Variants in TPD52L1 observed in about 807,000 individuals in gnomAD.
TPD52L1 encodes TPD52 like 1.
TPD52L1 carries 18 observed loss-of-function variants against 28.7 expected under a neutral mutation model. That is an observed-to-expected ratio of 0.63 (90% CI 0.43 to 0.93). The LOEUF is 0.93. TPD52L1 is among the 40% of genes least tolerant of loss of function. The pLI is 0.00. For synonymous variants in TPD52L1, 75 were observed against 88.8 expected (o/e 0.84, Z 0.88); for missense variants, 203 against 254.8 (o/e 0.80, Z 1.39).
rs58505448 is a variant in TPD52L1 at position 125,224,470 on chromosome 6, C to CCTCTCTCTCTCTCTCTCT, written c.135+4287_135+4304dup. ...GCAAAGAAGTGCCTTAGGCTCTGGG[C>CCTCTCTCTCTCTCTCTCT]CTCTCTCTCTCTCTCTCTCTCTCTC... is the stretch of plus-strand genomic sequence containing the variant. On this transcript the variant is annotated intron_variant, in intron 2 of 6. Coordinates refer to ENST00000534000, the MANE Select transcript of TPD52L1 (RefSeq NM_003287.4). Among the ~76,000 whole-genome samples, 224 of 143,362 alleles carry CCTCTCTCTCTCTCTCTCT rather than the reference C, an allele frequency of 1.6e-3. 1 individual carries two copies. Among genetic ancestry groups the CCTCTCTCTCTCTCTCTCT allele is most frequent in the African/African-American group, 5.5e-3 (218 of 39,314 alleles). The allele number at this position is 143,362 out of a possible 152,430, so 94.1% of individuals were successfully genotyped here.
intron 2 of TPD52L1, among the ~76,000 whole-genome samples, chr6:125,224,724 T>C (rs1198781467): frequency 6.6e-6 from 1 of 152,222 alleles, no homozygotes; most frequent in African/African-American, 2.4e-5. Context: ...ATGCCTAGTT[T>C]ATGAAAATAG....
At chr6:125,154,302 C>G (rs1332181810) in intron 1 of TPD52L1, 3 of 1,148,054 alleles carry the variant, frequency 2.6e-6, no homozygotes, top group Non-Finnish European at 3.2e-6. Context: ...TGTGCCGGGT[C>G]CGGAAAGCGT....
intron 3 of TPD52L1, among the ~76,000 whole-genome samples, chr6:125,241,996 T>C (rs1015806249): frequency 6.6e-6 from 1 of 152,082 alleles, no homozygotes; most frequent in Non-Finnish European, 1.5e-5. Flanking sequence ...GCTTTTGTTG[T>C]ATCCCAGAGG....
intron 1 of TPD52L1, among the ~76,000 whole-genome samples, chr6:125,161,617 T>G (rs2114740873): frequency 6.6e-6 from 1 of 151,906 alleles, no homozygotes; most frequent in Admixed American, 6.6e-5. Context: ...TCTCAGAGAG[T>G]GGAGAGGGCC....
At chr6:125,251,304 C>G (rs1305863233) in intron 4 of TPD52L1, among the ~76,000 whole-genome samples, 2 of 152,038 alleles carry the variant, frequency 1.3e-5, no homozygotes, top group African/African-American at 4.8e-5. Context: ...TTTGTGCATT[C>G]TGGTAACAAA....
At position 125,207,370 on chromosome 6, in the gene TPD52L1, A is replaced by G. The variant is rs141005772; in HGVS notation, c.20-12708A>G. 2.9e-3 allele frequency among the ~76,000 whole-genome samples: 442 copies of G among 152,336 alleles called. 1 individual carries two copies. Among genetic ancestry groups the G allele is most frequent in the African/African-American group, 9.9e-3 (411 of 41,582 alleles). ...TCAGTTATGTGAGTTTGGGCAATTT[A>G]TTTAACTTTCTGAACCATCATTTCC... is the stretch of plus-strand genomic sequence containing the variant. On this transcript the variant is annotated intron_variant, in intron 1 of 6. Transcript: ENST00000534000.
In TPD52L1 at chr6:125,185,894, A is replaced by ATTTTT. The variant is rs536833440; in HGVS notation, c.19+31937_19+31941dup. Among the ~76,000 whole-genome samples the ATTTTT allele has an allele frequency of 5.1e-3, 664 of 130,442 alleles. 22 individuals carry two copies. The highest frequency in any genetic ancestry group is 0.01 in the African/African-American group (348 of 34,396). 85.6% of individuals were successfully genotyped at this position (130,442 alleles called of 152,430 possible). On this transcript the variant is annotated intron_variant, in intron 1 of 6. Transcript: ENST00000534000. ...CCATGTATAACTTTTTGGAAATTTG[A>ATTTTT]TTTTTTTTTTTTTTTTTGAGACAGA...
In TPD52L1 at chr6:125,263,338, A is replaced by G. The variant is rs187271975; in HGVS notation, c.*376A>G. Reference sequence around the variant, plus strand: ...GCATGTCCTTGAAGGCTGAATGAACAGTCCCTTTCAGTTCAGCAGATCAAC... The same window carrying G: ...GCATGTCCTTGAAGGCTGAATGAACGGTCCCTTTCAGTTCAGCAGATCAAC... On this transcript the variant is annotated 3_prime_UTR_variant, in exon 7 of 7. Transcript: ENST00000534000. The G allele has an allele frequency of 1.3e-4, 26 of 194,808 alleles. No individual in the cohort carries two copies. Among genetic ancestry groups the G allele is most frequent in the Admixed American group, 2.7e-4 (5 of 18,434 alleles). The allele number at this position is 194,808 out of a possible 1,614,324, so 12.1% of individuals were successfully genotyped here. A position where few individuals can be genotyped will look rare whatever the true frequency, so the allele number is the denominator to read the frequency against.
At chr6:125,186,926 G>A (rs503215) in intron 1 of TPD52L1, among the ~76,000 whole-genome samples, 11,550 of 152,122 alleles carry the variant, frequency 0.076, 1,152 homozygotes, top group African/African-American at 0.23. Flanking sequence ...TCAGCCAAGG[G>A]ATTGGAAATG....
At chr6:125,218,571 C>T (rs185789955) in intron 1 of TPD52L1, among the ~76,000 whole-genome samples, 1 of 152,246 alleles carries the variant, frequency 6.6e-6, no homozygotes, top group Admixed American at 6.5e-5. Context: ...TTCCATATAG[C>T]GTCTTTGATA....
At chr6:125,232,603 A>G (rs1016946075) in intron 3 of TPD52L1, among the ~76,000 whole-genome samples, 4 of 152,198 alleles carry the variant, frequency 2.6e-5, no homozygotes, top group Admixed American at 6.5e-5. Flanking sequence ...AATACTTTGC[A>G]TACTGATTAA....
At position 125,263,866 on chromosome 6, in the gene TPD52L1, T is replaced by C. The variant is rs1798190048; in HGVS notation, c.*904T>C. On this transcript the variant is annotated 3_prime_UTR_variant, in exon 7 of 7. Coordinates refer to ENST00000534000, the MANE Select transcript of TPD52L1 (RefSeq NM_003287.4). ...GGGACACTGTCTCCAAAAATAGTAA[T>C]AATAAGTAGTCAACTTTTACTGCTA... 2 of 152,060 alleles carry C rather than the reference T, an allele frequency of 1.3e-5. No homozygotes were observed. Among genetic ancestry groups the C allele is most frequent in the African/African-American group, 4.8e-5 (2 of 41,404 alleles). 9.4% of individuals were successfully genotyped at this position (152,060 alleles called of 1,614,324 possible).
At position 125,172,119 on chromosome 6, in the gene TPD52L1, T is replaced by G. The variant is rs1483407486; in HGVS notation, c.19+18149T>G. 1.8e-3 allele frequency among the ~76,000 whole-genome samples: 111 copies of G among 61,908 alleles called. 3 individuals are homozygous for G. The highest frequency in any genetic ancestry group is 9.1e-3 in the African/African-American group (107 of 11,724). 40.6% of individuals were successfully genotyped at this position (61,908 alleles called of 152,430 possible). A position where few individuals can be genotyped will look rare whatever the true frequency, so the allele number is the denominator to read the frequency against. ...CTTTCCCTTTCTTTCTTTCTTTCTT[T>G]CTTTCTTTCTTTCTTTCTTTCTTTC... On this transcript the variant is annotated intron_variant, in intron 1 of 6. Coordinates refer to ENST00000534000, the MANE Select transcript of TPD52L1 (RefSeq NM_003287.4).
chr6:125,172,162 TTTCTTTC>T (rs1562211817), intron 1 of TPD52L1, among the ~76,000 whole-genome samples: 649 of 47,842 alleles, frequency 0.014, 1 homozygote, highest in Non-Finnish European at 0.022. Flanking sequence ...CTTTCTTTTC[TTTCTTTC>T]TTTCTTTCTT....
At chr6:125,172,134 TTCTTTCTTTCTTTC>T (rs1791387643) in intron 1 of TPD52L1, among the ~76,000 whole-genome samples, 1 of 77,898 alleles carries the variant, frequency 1.3e-5, no homozygotes, top group Non-Finnish European at 2.4e-5. Flanking sequence ...CTTTCTTTCT[TTCTTTCTTTCTTTC>T]TTTCTTTCTT....
At chr6:125,224,888 C>A (rs1562323056) in intron 2 of TPD52L1, among the ~76,000 whole-genome samples, 1 of 152,160 alleles carries the variant, frequency 6.6e-6, no homozygotes, top group African/African-American at 2.4e-5. Flanking sequence ...ATTTATATAA[C>A]ATAAACTTAT....
In TPD52L1 at chr6:125,160,888, G is replaced by C. The variant is rs201815816; in HGVS notation, c.19+6918G>C. On this transcript the variant is annotated intron_variant, in intron 1 of 6. Transcript: ENST00000534000. ...TTTTTTTGAGATGGAGTCTTGCTCT[G>C]TCACCCAGGCTGGAGTGCAGTGGCA... 1.3e-4 allele frequency among the ~76,000 whole-genome samples: 17 copies of C among 134,272 alleles called. No homozygotes were observed. In the East Asian group the frequency reaches 3.2e-3, roughly 25 times the overall value. The allele number at this position is 134,272 out of a possible 152,430, so 88.1% of individuals were successfully genotyped here.
At chr6:125,224,689 GT>G (rs1460934732) in intron 2 of TPD52L1, among the ~76,000 whole-genome samples, 1 of 152,136 alleles carries the variant, frequency 6.6e-6, no homozygotes, top group Admixed American at 6.5e-5. Context: ...ACCAAATGTG[GT>G]TACTCCTAAA....
At chr6:125,209,017 C>A in intron 1 of TPD52L1, 1 of 869,256 alleles carries the variant, frequency 1.2e-6, no homozygotes, top group Non-Finnish European at 1.4e-6. Flanking sequence ...CTTATCTCTA[C>A]CATGTGCCTC....
Sources: gnomAD v4.1 joint callset for allele counts (sites outside exome capture counted in the v4.1 genomes callset) on GRCh38, gnomAD v4.1.1 for gene constraint, MANE v1.5 for transcripts, NCBI Gene and HGNC (gene_info 2026-07-23, HGNC 2026-07-21) for gene names.